Variants in GPT2 observed in about 807,000 individuals in gnomAD.
GPT2 encodes alanine aminotransferase 2.
GPT2 carries 30 observed loss-of-function variants against 56.9 expected under a neutral mutation model. The ratio of observed to expected loss-of-function variants is 0.53; its 90% CI spans 0.39 to 0.72. The LOEUF (loss-of-function observed/expected upper bound fraction) is 0.72, where lower values mean the gene tolerates loss of function less well. Ranked by LOEUF, GPT2 falls within the 30% of genes least tolerant of loss-of-function variation. GPT2 has a pLI of 0.00. For missense variants in GPT2, 542 were observed against 703.4 expected (o/e 0.77, Z 2.60); for synonymous variants, 271 against 283.1 (o/e 0.96, Z 0.43).
chr16:46,899,106 C>T (rs1400030816), intron 3 of GPT2, among the ~76,000 whole-genome samples: 1 of 149,728 alleles, frequency 6.7e-6, no homozygotes, highest in African/African-American at 2.5e-5. Context: ...GATCACTGCT[C>T]TCTGTAACCT....
In GPT2 at chr16:46,897,747, C is replaced by T; in HGVS notation, c.333+10C>T. On this transcript the variant is annotated intron_variant, in intron 3 of 11. Transcript: ENST00000340124. ...CACCTTCCTCCGGCAGGTGAGCCGC[C>T]CCCAGGAGCAGAGGCTGCAGGAGGG... The T allele has an allele frequency of 6.2e-7, 1 of 1,613,556 alleles. No individual in the cohort carries two copies. Among genetic ancestry groups the T allele is most frequent in the Non-Finnish European group, 8.5e-7 (1 of 1,179,582 alleles).
intron 2 of GPT2, among the ~76,000 whole-genome samples, chr16:46,897,085 TAAATA>T (rs747645690): frequency 3.9e-5 from 6 of 152,110 alleles, no homozygotes; most frequent in Non-Finnish European, 8.8e-5. Context: ...CAATAAGTAA[TAAATA>T]AAATTATGTT....
chr16:46,899,035 A>ATATATATATATTTTT (rs1567335287), intron 3 of GPT2, among the ~76,000 whole-genome samples: 1 of 77,226 alleles, frequency 1.3e-5, no homozygotes, highest in African/African-American at 9.0e-5. Context: ...ATATATATAT[A>ATATATATATATTTTT]TTTTTTTTTT....
chr16:46,909,746 C>G lies in GPT2; in HGVS notation c.639C>G (p.Ile213Met), dbSNP rs770326824. 1 of 1,614,130 alleles carries G rather than the reference C, an allele frequency of 6.2e-7. No individual in the cohort carries two copies. Among genetic ancestry groups the G allele is most frequent in the South Asian group, 1.1e-5 (1 of 91,082 alleles). Residue 213 changes from isoleucine to methionine, a missense_variant, in exon 6 of 12, where the codon ATC (isoleucine) becomes ATG (methionine). By Grantham distance (10) the Ile-to-Met change is conservative. Coordinates refer to ENST00000340124, the MANE Select transcript of GPT2 (RefSeq NM_133443.4). ...CACGGACAGGTGTGATGATCCCCAT[C>G]CCACAATATCCCCTCTATTCAGCTG... Reference protein sequence around the residue: ...GKSRTGVMIPIPQYPLYSAVI... With the variant: ...GKSRTGVMIPMPQYPLYSAVI...
chr16:46,920,477 A>T (rs1239175816), intron 8 of GPT2, among the ~76,000 whole-genome samples: 1 of 152,100 alleles, frequency 6.6e-6, no homozygotes, highest in Non-Finnish European at 1.5e-5. Flanking sequence ...CACTGCTAGG[A>T]GGTTAGGGGA....
intron 10 of GPT2, among the ~76,000 whole-genome samples, chr16:46,925,179 C>G (rs72812448): frequency 6.6e-6 from 1 of 151,782 alleles, no homozygotes; most frequent in Non-Finnish European, 1.5e-5. Flanking sequence ...TCCCAAAGTG[C>G]TGGAATTGCA....
At chr16:46,919,940 C>T (rs1447969978) in intron 8 of GPT2, among the ~76,000 whole-genome samples, 1 of 152,120 alleles carries the variant, frequency 6.6e-6, no homozygotes, top group African/African-American at 2.4e-5. Context: ...GGTGCAGTGG[C>T]TCACGCCTGT....
At chr16:46,886,261 C>T (rs1596856724) in intron 2 of GPT2, among the ~76,000 whole-genome samples, 2 of 152,280 alleles carry the variant, frequency 1.3e-5, no homozygotes, top group South Asian at 4.1e-4. Flanking sequence ...AGCTGGCCCT[C>T]CTTGACGCAA....
At chr16:46,894,206 C>CG (rs905121598) in intron 2 of GPT2, among the ~76,000 whole-genome samples, 2 of 152,154 alleles carry the variant, frequency 1.3e-5, no homozygotes, top group African/African-American at 2.4e-5. Flanking sequence ...TCGAGCAGTG[C>CG]GGGGGGAGGG....
intron 7 of GPT2, 121 bp from the exon 8 acceptor site, chr16:46,918,500 A>G: frequency 1.7e-6 from 2 of 1,147,252 alleles, no homozygotes; most frequent in Non-Finnish European, 2.5e-6. Flanking sequence ...GGAATGGCAC[A>G]GGAGGCTGGG....
chr16:46,918,593 G>A (rs1055289140), intron 7 of GPT2, 28 bp from the exon 8 acceptor site: 3 of 1,611,806 alleles, frequency 1.9e-6, no homozygotes, highest in Non-Finnish European at 2.5e-6. Flanking sequence ...AGGACCCTTT[G>A]GTGACCGTCC....
At position 46,897,695 on chromosome 16, in the gene GPT2, C is replaced by A; in HGVS notation, c.291C>A (p.Asp97Glu). Residue 97 changes from aspartate to glutamate, a missense_variant, in exon 3 of 12, where the codon GAC (aspartate) becomes GAA (glutamate). Physicochemically the swap from Asp to Glu is conservative, Grantham distance 45. Coordinates refer to ENST00000340124, the MANE Select transcript of GPT2 (RefSeq NM_133443.4). ...AGGTCATCCGAGCCAACATCGGGGACGCCCAGGCTATGGGGCAGCAGCCAA... is the reference window on the plus strand; with the variant it reads ...AGGTCATCCGAGCCAACATCGGGGAAGCCCAGGCTATGGGGCAGCAGCCAA... The part of the protein sequence containing the change: ...FTEVIRANIG[D>E]AQAMGQQPIT... 6 of 1,614,150 alleles carry A rather than the reference C, an allele frequency of 3.7e-6. No individual in the cohort carries two copies. Among genetic ancestry groups the A allele is most frequent in the Non-Finnish European group, 5.1e-6 (6 of 1,179,974 alleles).
chr16:46,923,491 C>T (rs1456812720), intron 9 of GPT2, among the ~76,000 whole-genome samples: 1 of 152,198 alleles, frequency 6.6e-6, no homozygotes, highest in Non-Finnish European at 1.5e-5. Flanking sequence ...TCTTATTTGT[C>T]TTTTTGTGAC....
chr16:46,911,823 T>C (rs1961052113), intron 6 of GPT2, among the ~76,000 whole-genome samples: 2 of 152,212 alleles, frequency 1.3e-5, no homozygotes, highest in Admixed American at 6.5e-5. Context: ...GGAAAGACAC[T>C]GTACCTAGTC....
In GPT2 at chr16:46,900,803, C is replaced by T. The variant is rs777509280; in HGVS notation, c.442+13C>T. The T allele has an allele frequency of 9.4e-5, 152 of 1,609,290 alleles. No homozygotes were observed. The highest frequency in any genetic ancestry group is 1.1e-4 in the Non-Finnish European group (133 of 1,175,888). On this transcript the variant is annotated intron_variant, in intron 4 of 11. Coordinates refer to ENST00000340124, the MANE Select transcript of GPT2 (RefSeq NM_133443.4). ...GGGAACAGCCTGGGTGAGGCCCCAA[C>T]TTGCCAGGCCCCTAGGCGTGAAATG...
chr16:46,894,867 G>C (rs1310584875), intron 2 of GPT2, among the ~76,000 whole-genome samples: 1 of 152,078 alleles, frequency 6.6e-6, no homozygotes, highest in Non-Finnish European at 1.5e-5. Context: ...GGGTTTCACT[G>C]TGTTAGCCAG....
At chr16:46,892,876 T>C (rs1034043615) in intron 2 of GPT2, among the ~76,000 whole-genome samples, 34 of 152,234 alleles carry the variant, frequency 2.2e-4, no homozygotes, top group Non-Finnish European at 3.1e-4. Flanking sequence ...TGTCTCTCAG[T>C]ATCCAAGGAG....
At chr16:46,896,039 C>A (rs1390635032) in intron 2 of GPT2, among the ~76,000 whole-genome samples, 1 of 152,202 alleles carries the variant, frequency 6.6e-6, no homozygotes, top group Non-Finnish European at 1.5e-5. Context: ...GGGCTGTGGC[C>A]ACCACCTTGC....
At chr16:46,904,522 G>A (rs1165946539) in intron 4 of GPT2, among the ~76,000 whole-genome samples, 3 of 152,216 alleles carry the variant, frequency 2.0e-5, no homozygotes, top group Non-Finnish European at 2.9e-5. Context: ...CTAGAAATGA[G>A]CCTAGAAGGA....
Sources: allele counts gnomAD v4.1 joint callset (sites outside exome capture counted in the v4.1 genomes callset), GRCh38; gene constraint gnomAD v4.1.1; transcripts MANE v1.5; gene names NCBI Gene and HGNC (gene_info 2026-07-23, HGNC 2026-07-21).